Variants in DENND1A observed in about 807,000 individuals in gnomAD.
DENND1A encodes the protein DENN domain-containing protein 1A.
A neutral mutation model predicts 113.7 loss-of-function variants in DENND1A; 51 were observed. The ratio of observed to expected loss-of-function variants is 0.45; its 90% CI spans 0.36 to 0.57. The LOEUF is 0.57. Among genes scored for constraint, DENND1A ranks in the 20% least tolerant of loss-of-function variants. The pLI, the probability that DENND1A is intolerant of heterozygous loss-of-function variation, is 0.00. For missense variants in DENND1A, 1,258 were observed against 1,395.9 expected (o/e 0.90, Z 1.57); for synonymous variants, 565 against 570.8 (o/e 0.99, Z 0.14).
chr9:123,396,158 G>T (rs1241789016), intron 21 of DENND1A, among the ~76,000 whole-genome samples: 1 of 152,138 alleles, frequency 6.6e-6, no homozygotes, highest in African/African-American at 2.4e-5. Flanking sequence ...GAGGCCACGC[G>T]CTCTGCTCAC....
chr9:123,699,427 ACAC>A (rs2065735954), intron 5 of DENND1A, among the ~76,000 whole-genome samples: 1 of 152,166 alleles, frequency 6.6e-6, no homozygotes. Context: ...CTAACAGAAA[ACAC>A]CACAATATCT....
At chr9:123,770,464 T>C (rs1001456226) in intron 3 of DENND1A, among the ~76,000 whole-genome samples, 5 of 152,312 alleles carry the variant, frequency 3.3e-5, no homozygotes, top group Admixed American at 1.3e-4. Flanking sequence ...TTCATATATA[T>C]AGCACATATA....
At chr9:123,415,021 CG>C (rs376898355) in intron 19 of DENND1A, among the ~76,000 whole-genome samples, 11 of 152,252 alleles carry the variant, frequency 7.2e-5, no homozygotes, top group African/African-American at 2.6e-4. Context: ...TGCTTGTCCT[CG>C]GGAAGTGCTG....
intron 17 of DENND1A, 100 bp downstream of exon 17, chr9:123,452,176 A>G (rs570786340): frequency 1.7e-6 from 2 of 1,162,082 alleles, no homozygotes; most frequent in African/African-American, 1.5e-5. Context: ...CCTGGGCAAC[A>G]GAGCAAGACC....
chr9:123,880,267 C>CAG (rs2133579113), intron 1 of DENND1A, among the ~76,000 whole-genome samples: 1 of 152,262 alleles, frequency 6.6e-6, no homozygotes, highest in African/African-American at 2.4e-5. Flanking sequence ...CCCGCCTTGG[C>CAG]CTCCCAAAGT....
At chr9:123,637,939 ACACACACACACGCG>A (rs1258420657) in intron 9 of DENND1A, among the ~76,000 whole-genome samples, 2 of 43,740 alleles carry the variant, frequency 4.6e-5, no homozygotes, top group African/African-American at 1.6e-4. Context: ...ACACGCACAC[ACACACACACACGCG>A]CACACACACA....
At chr9:123,873,066 A>G (rs926858184) in intron 2 of DENND1A, among the ~76,000 whole-genome samples, 9 of 152,262 alleles carry the variant, frequency 5.9e-5, no homozygotes, top group Non-Finnish European at 8.8e-5. Flanking sequence ...CTAATCTTAA[A>G]GCAGATTCTT....
At chr9:123,469,000 C>T (rs1434261020) in intron 13 of DENND1A, among the ~76,000 whole-genome samples, 1 of 152,180 alleles carries the variant, frequency 6.6e-6, no homozygotes, top group Non-Finnish European at 1.5e-5. Context: ...CTAATGACCC[C>T]TGAGCCCACA....
intron 5 of DENND1A, among the ~76,000 whole-genome samples, chr9:123,703,181 G>T (rs1046923676): frequency 2.0e-5 from 3 of 152,050 alleles, no homozygotes; most frequent in African/African-American, 7.2e-5. Context: ...TAGAGATGGG[G>T]TTTCACTATG....
chr9:123,780,234 T>G (rs1338711914), intron 3 of DENND1A, among the ~76,000 whole-genome samples: 4 of 152,160 alleles, frequency 2.6e-5, no homozygotes, highest in African/African-American at 9.7e-5. Context: ...TCAGTGAGCT[T>G]CTCGCCTCTC....
chr9:123,718,798 T>C (rs2067144617), intron 5 of DENND1A, among the ~76,000 whole-genome samples: 2 of 152,228 alleles, frequency 1.3e-5, no homozygotes, highest in Non-Finnish European at 2.9e-5. Context: ...AACAAAGGAC[T>C]ACACCCAGAG....
At chr9:123,437,850 A>G (rs1333221495) in intron 19 of DENND1A, 1 of 152,166 alleles carries the variant, frequency 6.6e-6, no homozygotes, top group Non-Finnish European at 1.5e-5. Flanking sequence ...TTTCCAAAAA[A>G]AGAGAATATA....
At chr9:123,702,571 C>A (rs1041914127) in intron 5 of DENND1A, among the ~76,000 whole-genome samples, 3 of 152,004 alleles carry the variant, frequency 2.0e-5, no homozygotes, top group Non-Finnish European at 4.4e-5. Flanking sequence ...ACAAAAGAAG[C>A]AAATAATATA....
intron 6 of DENND1A, among the ~76,000 whole-genome samples, chr9:123,674,340 TCTCACACA>T (rs1397404021): frequency 3.8e-4 from 48 of 127,736 alleles, no homozygotes; most frequent in Non-Finnish European, 5.5e-4. Flanking sequence ...TCTGTCTCTC[TCTCACACA>T]CACACACACA....
chr9:123,740,899 T>TTA (rs71490821), intron 5 of DENND1A, among the ~76,000 whole-genome samples: 1 of 108,870 alleles, frequency 9.2e-6, no homozygotes, highest in Non-Finnish European at 1.8e-5. Context: ...GAAGGGAAAG[T>TTA]GAGAGAGAGA....
chr9:123,656,764 T>C (rs1358879945), intron 8 of DENND1A, among the ~76,000 whole-genome samples: 1 of 152,190 alleles, frequency 6.6e-6, no homozygotes, highest in Non-Finnish European at 1.5e-5. Flanking sequence ...AAGTAACCAC[T>C]TTCTTCATTC....
At chr9:123,450,842 T>A in intron 17 of DENND1A, 93 bp from the exon 18 acceptor site, 1 of 1,020,018 alleles carries the variant, frequency 9.8e-7, no homozygotes, top group Non-Finnish European at 1.4e-6. Flanking sequence ...CCTTCTCTGA[T>A]TACTAGAAAA....
At chr9:123,887,117 A>G (rs1849216162) in intron 1 of DENND1A, among the ~76,000 whole-genome samples, 1 of 152,214 alleles carries the variant, frequency 6.6e-6, no homozygotes, top group Non-Finnish European at 1.5e-5. Flanking sequence ...TGTAAAATCT[A>G]GGCTTTACCC....
chr9:123,877,546 G>A (rs1472942431), intron 2 of DENND1A, among the ~76,000 whole-genome samples: 3 of 151,736 alleles, frequency 2.0e-5, no homozygotes, highest in Non-Finnish European at 4.4e-5. Flanking sequence ...AAAACAGGCC[G>A]GGCATGGTGG....
Sources: gnomAD v4.1 joint callset for allele counts (sites outside exome capture counted in the v4.1 genomes callset) on GRCh38, gnomAD v4.1.1 for gene constraint, MANE v1.5 for transcripts, NCBI Gene and HGNC (gene_info 2026-07-23, HGNC 2026-07-21) for gene names.